The following TCOF1 variants were observed in gnomAD, a reference collection of about 807,000 sequenced individuals.
TCOF1 encodes treacle protein.
In TCOF1, 33 loss-of-function variants were observed where a neutral mutation model predicts 149.0. That is an observed-to-expected ratio of 0.22 (90% CI 0.17 to 0.30). The LOEUF is 0.30. Among genes scored for constraint, TCOF1 ranks in the 10% least tolerant of loss-of-function variants. The pLI, the probability that TCOF1 is intolerant of heterozygous loss-of-function variation, is 1.00. For missense variants in TCOF1, 1,728 were observed against 1,840.7 expected (o/e 0.94, Z 1.12); for synonymous variants, 789 against 738.8 (o/e 1.07, Z -1.10).
At chr5:150,392,234 G>A in intron 21 of TCOF1, 58 bp downstream of exon 21, 3 of 1,565,922 alleles carry the variant, frequency 1.9e-6, no homozygotes, top group South Asian at 2.3e-5. Context: ...GTGTGGCCTG[G>A]TGGAGCCATA....
chr5:150,391,234 TC>T (rs376050955), intron 19 of TCOF1, among the ~76,000 whole-genome samples: 35 of 152,272 alleles, frequency 2.3e-4, no homozygotes, highest in African/African-American at 7.5e-4. Context: ...CCCACCACTC[TC>T]CCTGACTGCT....
intron 4 of TCOF1, chr5:150,368,377 T>C (rs1761805470): frequency 5.0e-6 from 2 of 397,372 alleles, no homozygotes; most frequent in South Asian, 5.0e-5. Context: ...GTTAGATACA[T>C]ACATGTATAA....
intron 14 of TCOF1, 117 bp downstream of exon 14, chr5:150,376,737 C>G: frequency 9.8e-7 from 1 of 1,022,268 alleles, no homozygotes; most frequent in Non-Finnish European, 1.5e-6. Context: ...TCAGAGGTAG[C>G]CTCAACACAG....
chr5:150,392,090 A>G lies in TCOF1; in HGVS notation c.3431A>G (p.Asp1144Gly). Residue 1144 changes from aspartate to glycine, a missense_variant, in exon 21 of 27, where the codon GAT becomes GGT. This residue lies in a region of TCOF1 where 1,696 missense variants were observed against 1,765.4 expected (regional missense o/e 0.96). Coordinates refer to ENST00000643257, the MANE Select transcript of TCOF1 (RefSeq NM_001371623.1). ...GCCACCAAAGCCCCTGAGAGCTCAG[A>G]TGACAGTGAGGACAGCAGCGACAGT... ...QQATKAPESSDDSEDSSDSSS... is the reference protein window; with the variant it reads ...QQATKAPESSGDSEDSSDSSS... 1 of 1,614,230 alleles carries G rather than the reference A, an allele frequency of 6.2e-7. No homozygotes were observed. The highest frequency in any genetic ancestry group is 8.5e-7 in the Non-Finnish European group (1 of 1,180,040).
chr5:150,393,618 G>C, intron 23 of TCOF1, 66 bp downstream of exon 23: 2 of 1,601,542 alleles, frequency 1.2e-6, no homozygotes, highest in Non-Finnish European at 1.7e-6. Flanking sequence ...GCCCCTTCTT[G>C]CCCTCCTGTA....
At chr5:150,372,336 G>A (rs545392621) in intron 7 of TCOF1, 100 bp downstream of exon 7, 364 of 1,039,096 alleles carry the variant, frequency 3.5e-4, no homozygotes, top group Middle Eastern at 9.4e-4. Flanking sequence ...TTGGGGAGAG[G>A]GAGGACTATG....
rs897633835 is a variant in TCOF1, at chr5:150,387,964, A to G, written c.2922A>G (p.Thr974=). ...GTAGTCCAGCTGGCCCAGCTGCTAC[A>G]CCCGCACAAGCCCAGGCTGCAAGCA... is the stretch of plus-strand genomic sequence containing the variant. ...PNRSPAGPAA[T]PAQAQAASTP... is the part of the protein sequence containing the mutation. The change falls in exon 18 of 27, where the codon ACA becomes ACG. Residue 974 remains threonine, a synonymous_variant. Coordinates refer to ENST00000643257, the MANE Select transcript of TCOF1 (RefSeq NM_001371623.1). 2 of 1,613,970 alleles carry G rather than the reference A, an allele frequency of 1.2e-6. No individual in the cohort carries two copies. The highest frequency in any genetic ancestry group is 1.7e-5 in the Admixed American group (1 of 60,018).
intron 23 of TCOF1, among the ~76,000 whole-genome samples, chr5:150,395,359 G>A (rs1472634757): frequency 6.6e-6 from 1 of 152,152 alleles, no homozygotes; most frequent in Non-Finnish European, 1.5e-5. Context: ...ACCCAGAATG[G>A]GGCAGAGACC....
Position 150,374,179 on chromosome 5 carries a change from G to T in TCOF1, c.876G>T (p.Lys292Asn). Residue 292 changes from lysine to asparagine, a missense_variant, in exon 8 of 27, where the codon AAG becomes AAT. By Grantham distance (94) the Lys-to-Asn change is moderately conservative. Transcript: ENST00000643257. ...EAPAGTRSQV[K>N]ASEKILQVRA... ...TGCCCTTTCTTTTTCACCAGGTAAA[G>T]GCCTCTGAAAAAATTCTCCAGGTCA... The T allele has an allele frequency of 1.2e-6, 2 of 1,611,668 alleles. No homozygotes were observed. The highest frequency in any genetic ancestry group is 1.3e-5 in the African/African-American group (1 of 75,004).
intron 7 of TCOF1, among the ~76,000 whole-genome samples, chr5:150,373,115 C>T (rs1241091761): frequency 6.6e-6 from 1 of 152,092 alleles, no homozygotes; most frequent in African/African-American, 2.4e-5. Context: ...GAGTCTTGCT[C>T]TGTTGCCCAA....
At chr5:150,397,616 C>G (rs891288615) in intron 24 of TCOF1, among the ~76,000 whole-genome samples, 1 of 152,148 alleles carries the variant, frequency 6.6e-6, no homozygotes, top group Non-Finnish European at 1.5e-5. Context: ...GCAGCACTCT[C>G]GAGCATCGCC....
chr5:150,361,130 G>A, intron 1 of TCOF1, 26 bp from the exon 2 acceptor site: 9 of 1,614,054 alleles, frequency 5.6e-6, no homozygotes, highest in Non-Finnish European at 7.6e-6. Flanking sequence ...GGGATTAATT[G>A]TGGCTTTCTC....
chr5:150,365,787 G>C (rs1270804550), intron 3 of TCOF1, among the ~76,000 whole-genome samples: 1 of 151,928 alleles, frequency 6.6e-6, no homozygotes, highest in Non-Finnish European at 1.5e-5. Flanking sequence ...TGATCCTCCT[G>C]CCTCAGCCTC....
At chr5:150,359,167 T>G (rs1759409011) in intron 1 of TCOF1, among the ~76,000 whole-genome samples, 1 of 152,044 alleles carries the variant, frequency 6.6e-6, no homozygotes, top group Non-Finnish European at 1.5e-5. Flanking sequence ...ACCGACATGG[T>G]GAAACCCTGT....
chr5:150,363,809 TTC>T (rs1378711332), intron 2 of TCOF1, among the ~76,000 whole-genome samples: 1 of 152,126 alleles, frequency 6.6e-6, no homozygotes, highest in Non-Finnish European at 1.5e-5. Flanking sequence ...GCCTGGGCGG[TTC>T]TGTGAGGTGC....
intron 21 of TCOF1, 88 bp downstream of exon 21, chr5:150,392,264 A>G: frequency 7.4e-7 from 1 of 1,354,850 alleles, no homozygotes; most frequent in Non-Finnish European, 1.0e-6. Context: ...TCAGCTCCAT[A>G]TCTCAGACTC....
Position 150,372,461 on chromosome 5 carries a change from C to T in TCOF1, c.870+225C>T, listed in dbSNP as rs575829376. Among the ~76,000 whole-genome samples, 6 of 152,368 alleles carry T rather than the reference C, an allele frequency of 3.9e-5. No homozygotes were observed. The South Asian group carries it at 1.2e-3, about 32-fold the overall frequency. ...TGCCTAGTAAATGGGCCGCTGTCCTCGTCCCAGCCAGTCCTGCTGTGAGGG... is the reference window on the plus strand; with the variant it reads ...TGCCTAGTAAATGGGCCGCTGTCCTTGTCCCAGCCAGTCCTGCTGTGAGGG... On this transcript the variant is annotated intron_variant, in intron 7 of 26. Coordinates refer to ENST00000643257, the MANE Select transcript of TCOF1 (RefSeq NM_001371623.1).
Position 150,374,353 on chromosome 5 carries a change from G to A in TCOF1, c.1050G>A (p.Glu350=). The A allele has an allele frequency of 1.9e-6, 3 of 1,560,728 alleles. No homozygotes were observed. Among genetic ancestry groups the A allele is most frequent in the Non-Finnish European group, 2.6e-6 (3 of 1,152,054 alleles). Residue 350 remains glutamate (E), a synonymous_variant, in exon 8 of 27, where the codon GAG becomes GAA. Coordinates refer to ENST00000643257, the MANE Select transcript of TCOF1 (RefSeq NM_001371623.1). The stretch of plus-strand genomic sequence containing the variant: ...GCAGCGAGGAGTCATCTGACAGTGA[G>A]GAGGAGACGCCAGCTGCCAAGGCCC... ...ESSSEESSDS[E]EETPAAKALL...
rs1389622239 is a variant in TCOF1 at position 150,379,648 on chromosome 5, G to A, written c.2775G>A (p.Gln925=). Residue 925 remains glutamine (Q), a synonymous_variant, in exon 17 of 27, where the codon CAG becomes CAA. Coordinates refer to ENST00000643257, the MANE Select transcript of TCOF1 (RefSeq NM_001371623.1). ...GGAAGACAGGGCCTTCGGCTGCCCA[G>A]GCAGGGAAGCAGGATGACTCAGGGA... is the stretch of plus-strand genomic sequence containing the variant. The part of the protein sequence containing the change: ...PPGKTGPSAA[Q]AGKQDDSGSS... 20 of 1,614,102 alleles carry A rather than the reference G, an allele frequency of 1.2e-5. No homozygotes were observed. The highest frequency in any genetic ancestry group is 1.6e-4 in the Middle Eastern group (1 of 6,084).
Sources: allele counts gnomAD v4.1 joint callset (sites outside exome capture counted in the v4.1 genomes callset), GRCh38; gene constraint gnomAD v4.1.1; regional missense constraint gnomAD v4.1.1; transcripts MANE v1.5; gene names NCBI Gene and HGNC (gene_info 2026-07-23, HGNC 2026-07-21).